The following FOXN3 variants were observed in gnomAD, a reference collection of about 807,000 sequenced individuals.
The protein encoded by FOXN3 is forkhead box N3, also known as forkhead box protein N3.
A neutral mutation model predicts 38.4 loss-of-function variants in FOXN3; 7 were observed. The ratio of observed to expected loss-of-function variants is 0.18; its 90% CI spans 0.10 to 0.34. The LOEUF (loss-of-function observed/expected upper bound fraction) is 0.34. FOXN3 is among the 10% of genes least tolerant of loss of function. The pLI, the probability that FOXN3 is intolerant of heterozygous loss-of-function variation, is 1.00. For synonymous variants in FOXN3, 230 were observed against 242.2 expected (o/e 0.95, Z 0.47); for missense variants, 456 against 613.4 (o/e 0.74, Z 2.71).
intron 2 of FOXN3, among the ~76,000 whole-genome samples, chr14:89,385,888 G>A (rs1000009946): frequency 6.6e-6 from 1 of 152,224 alleles, no homozygotes; most frequent in Non-Finnish European, 1.5e-5. Context: ...CAAAAGAGGA[G>A]AACAAGATGA....
intron 1 of FOXN3, among the ~76,000 whole-genome samples, chr14:89,430,642 A>C (rs1892135285): frequency 6.6e-6 from 1 of 152,198 alleles, no homozygotes; most frequent in Admixed American, 6.5e-5. Flanking sequence ...AGACATCGCG[A>C]GAGTTAAGAG....
At chr14:89,215,334 TAGG>T (rs1884237157) in intron 4 of FOXN3, among the ~76,000 whole-genome samples, 1 of 135,194 alleles carries the variant, frequency 7.4e-6, no homozygotes, top group African/African-American at 2.9e-5. Context: ...TCTTCAGAGT[TAGG>T]AGAATAGAGA....
At chr14:89,538,009 T>A (rs17126013) in intron 1 of FOXN3, among the ~76,000 whole-genome samples, 9,547 of 152,272 alleles carry the variant, frequency 0.063, 556 homozygotes, top group East Asian at 0.25. Context: ...AGGCTTTCAA[T>A]TGGAACTGAA....
At chr14:89,301,852 T>C (rs1204347592) in intron 3 of FOXN3, among the ~76,000 whole-genome samples, 1 of 152,106 alleles carries the variant, frequency 6.6e-6, no homozygotes, top group Middle Eastern at 3.2e-3. Context: ...GCCTTAACCA[T>C]GTCTTTGTCC....
chr14:89,339,369 T>C (rs1219776158), intron 3 of FOXN3, among the ~76,000 whole-genome samples: 1 of 152,104 alleles, frequency 6.6e-6, no homozygotes, highest in Non-Finnish European at 1.5e-5. Context: ...AGCTAGTGAG[T>C]GGCCCAGGGA....
At position 89,270,404 on chromosome 14, in the gene FOXN3, T is replaced by G. The variant is rs112991280; in HGVS notation, c.745+10546A>C. ...TGCAGAAATGCTATCATAAGCATCA[T>G]TAATTCTATTTATTGGATACCCAAT... On this transcript the variant is annotated intron_variant, in intron 4 of 5. Coordinates refer to ENST00000557258, the MANE Select transcript of FOXN3 (RefSeq NM_005197.4). 3.9e-3 allele frequency among the ~76,000 whole-genome samples: 597 copies of G among 152,356 alleles called. 2 individuals carry two copies. The highest frequency in any genetic ancestry group is 0.014 in the African/African-American group (562 of 41,582).
intron 1 of FOXN3, among the ~76,000 whole-genome samples, chr14:89,469,873 A>C (rs1216424287): frequency 1.3e-5 from 2 of 152,256 alleles, no homozygotes; most frequent in Non-Finnish European, 2.9e-5. Flanking sequence ...AGTGCAACAC[A>C]AACAGAGGAT....
intron 3 of FOXN3, among the ~76,000 whole-genome samples, chr14:89,328,702 C>A (rs536692791): frequency 6.6e-6 from 1 of 152,212 alleles, no homozygotes; most frequent in Non-Finnish European, 1.5e-5. Flanking sequence ...CAAAGGGAAA[C>A]GGAGGCTTGG....
At chr14:89,398,077 C>T (rs913330783) in intron 2 of FOXN3, among the ~76,000 whole-genome samples, 1 of 152,156 alleles carries the variant, frequency 6.6e-6, no homozygotes, top group African/African-American at 2.4e-5. Flanking sequence ...CACTGCTAAA[C>T]CTTAGGAGTC....
intron 1 of FOXN3, among the ~76,000 whole-genome samples, chr14:89,572,524 C>T (rs978774314): frequency 4.6e-5 from 7 of 152,200 alleles, no homozygotes; most frequent in African/African-American, 1.7e-4. Flanking sequence ...TGCTGGATGC[C>T]ACATATTCAT....
intron 4 of FOXN3, among the ~76,000 whole-genome samples, chr14:89,212,065 G>A (rs913533887): frequency 5.9e-5 from 9 of 152,220 alleles, no homozygotes; most frequent in African/African-American, 2.2e-4. Context: ...GGTAGGTGAT[G>A]ATACAGCCAG....
chr14:89,401,746 T>A, intron 2 of FOXN3: 2 of 440,842 alleles, frequency 4.5e-6, no homozygotes, highest in South Asian at 3.2e-5. Context: ...AAATCACTTA[T>A]CGGTCCTGTC....
intron 4 of FOXN3, among the ~76,000 whole-genome samples, chr14:89,252,986 C>T (rs942115584): frequency 2.6e-5 from 4 of 152,094 alleles, no homozygotes; most frequent in East Asian, 1.9e-4. Context: ...AGACAAGCTC[C>T]GAGAGCTTGG....
chr14:89,324,443 CGTGTGTGTGTGTGTGTGTGT>C (rs71130053), intron 3 of FOXN3, among the ~76,000 whole-genome samples: 3 of 143,384 alleles, frequency 2.1e-5, no homozygotes, highest in African/African-American at 5.1e-5. Flanking sequence ...TAAGTGTGTG[CGTGTGTGTGTGTGTGTGTGT>C]GTGTGTGTGT....
At chr14:89,476,519 G>A (rs1172607471) in intron 1 of FOXN3, among the ~76,000 whole-genome samples, 1 of 152,162 alleles carries the variant, frequency 6.6e-6, no homozygotes, top group East Asian at 1.9e-4. Flanking sequence ...CAAATGACTT[G>A]ATCTCTGGTT....
intron 4 of FOXN3, among the ~76,000 whole-genome samples, chr14:89,191,030 G>A (rs1887928264): frequency 6.6e-6 from 1 of 152,004 alleles, no homozygotes; most frequent in Admixed American, 6.5e-5. Flanking sequence ...AAGTTGTCAT[G>A]TTGAGGGCAC....
Position 89,320,174 on chromosome 14 carries a change from T to C in FOXN3, c.680+30498A>G, listed in dbSNP as rs147536495. 1.2e-4 allele frequency among the ~76,000 whole-genome samples: 18 copies of C among 152,338 alleles called. 1 individual carries two copies. The East Asian group carries it at 3.5e-3, about 29-fold the overall frequency. Reference sequence around the variant, plus strand: ...GTCAGAGGCTCATATATGGAATTTATTCAAAATCATCATCTCTTGCAGCCT... The same window carrying C: ...GTCAGAGGCTCATATATGGAATTTACTCAAAATCATCATCTCTTGCAGCCT... On this transcript the variant is annotated intron_variant, in intron 3 of 5. Coordinates refer to ENST00000557258, the MANE Select transcript of FOXN3 (RefSeq NM_005197.4).
chr14:89,285,234 A>G (rs1886588437), intron 3 of FOXN3, among the ~76,000 whole-genome samples: 1 of 152,156 alleles, frequency 6.6e-6, no homozygotes, highest in Non-Finnish European at 1.5e-5. Context: ...CAAAAGAGAG[A>G]AGTGGGCCAG....
chr14:89,178,389 A>G (rs1004611296), intron 5 of FOXN3, among the ~76,000 whole-genome samples: 3 of 152,044 alleles, frequency 2.0e-5, no homozygotes, highest in African/African-American at 7.2e-5. Context: ...GCCTCAAGTG[A>G]TCCTCCTGCC....
Sources: gnomAD v4.1 joint callset for allele counts (sites outside exome capture counted in the v4.1 genomes callset) on GRCh38, gnomAD v4.1.1 for gene constraint, MANE v1.5 for transcripts, NCBI Gene and HGNC (gene_info 2026-07-23, HGNC 2026-07-21) for gene names.